Variants in ZNF704 observed in about 807,000 individuals in gnomAD.
The protein encoded by ZNF704 is glucocorticoid induced gene 1.
Under a neutral mutation model 44.7 loss-of-function variants are expected in ZNF704, and 10 were observed. The observed-to-expected ratio is 0.22, with a 90% CI of 0.14 to 0.38. The LOEUF (loss-of-function observed/expected upper bound fraction) is 0.38, where lower values mean the gene tolerates loss of function less well. Ranked by LOEUF, ZNF704 falls within the 10% of genes least tolerant of loss-of-function variation. ZNF704 has a pLI of 1.00. For synonymous variants in ZNF704, 211 were observed against 207.6 expected (o/e 1.02, Z -0.14); for missense variants, 390 against 545.5 (o/e 0.71, Z 2.84).
intron 2 of ZNF704, among the ~76,000 whole-genome samples, chr8:80,780,967 G>A (rs1807512389): frequency 6.6e-6 from 1 of 152,208 alleles, no homozygotes; most frequent in South Asian, 2.1e-4. Context: ...GAATTGGAGA[G>A]AAGTGCTTAG....
chr8:80,790,903 G>C (rs190098277), intron 2 of ZNF704, among the ~76,000 whole-genome samples: 25 of 152,296 alleles, frequency 1.6e-4, no homozygotes, highest in African/African-American at 5.8e-4. Context: ...ATTCAGGTGA[G>C]AGACCCTTAT....
chr8:80,673,862 G>A (rs1818318770), intron 4 of ZNF704, among the ~76,000 whole-genome samples: 1 of 152,232 alleles, frequency 6.6e-6, no homozygotes, highest in African/African-American at 2.4e-5. Context: ...GGAGCCCACT[G>A]TTCACATGGG....
At position 80,639,746 on chromosome 8, in the gene ZNF704, GTCT is replaced by G. The variant is rs1817714698; in HGVS notation, c.*1617_*1619del. 6.6e-6 allele frequency: 1 copy of G among 152,556 alleles called. No homozygotes were observed. The highest frequency in any genetic ancestry group is 2.4e-5 in the African/African-American group (1 of 41,418). 9.5% of individuals were successfully genotyped at this position (152,556 alleles called of 1,614,324 possible). ...AAAAGAATATCTGTCATTACTAGATGTCTTCTTTTTACGCTTAAAAAAGTGTAT... is the reference window on the plus strand; with the variant it reads ...AAAAGAATATCTGTCATTACTAGATGTCTTTTTACGCTTAAAAAAGTGTAT... On this transcript the variant is annotated 3_prime_UTR_variant, in exon 9 of 9. Transcript: ENST00000327835.
At chr8:80,722,264 AAAAC>A (rs201783463) in intron 2 of ZNF704, among the ~76,000 whole-genome samples, 4,705 of 151,350 alleles carry the variant, frequency 0.031, 239 homozygotes, top group African/African-American at 0.1. Context: ...AAAACAAAAC[AAAAC>A]AAACAAACAA....
intron 4 of ZNF704, among the ~76,000 whole-genome samples, chr8:80,675,341 G>A (rs565320376): frequency 7.5e-4 from 115 of 152,332 alleles, no homozygotes; most frequent in African/African-American, 2.7e-3. Context: ...ATTTGTTTGA[G>A]ATAAAGTGCA....
chr8:80,733,575 A>C (rs1806617914), intron 2 of ZNF704, among the ~76,000 whole-genome samples: 1 of 152,192 alleles, frequency 6.6e-6, no homozygotes, highest in South Asian at 2.1e-4. Flanking sequence ...GCCATGTCTC[A>C]ATCCAAAGTG....
At chr8:80,719,860 C>T (rs1819135265) in intron 2 of ZNF704, among the ~76,000 whole-genome samples, 1 of 152,140 alleles carries the variant, frequency 6.6e-6, no homozygotes, top group Non-Finnish European at 1.5e-5. Flanking sequence ...AACTGGTTTC[C>T]ACATAATGGA....
intron 2 of ZNF704, among the ~76,000 whole-genome samples, chr8:80,817,689 TAAAC>T (rs1242042668): frequency 6.6e-6 from 1 of 152,224 alleles, no homozygotes; most frequent in Non-Finnish European, 1.5e-5. Flanking sequence ...AAATATTGGG[TAAAC>T]AAACAGGGAG....
intron 4 of ZNF704, among the ~76,000 whole-genome samples, chr8:80,678,896 G>A (rs1818409066): frequency 6.6e-6 from 1 of 152,142 alleles, no homozygotes. Flanking sequence ...GGCACCGGCA[G>A]GCAGCTGGGA....
rs1414745684 is a variant in ZNF704, at chr8:80,814,076, G to C, written c.221+7298C>G. 2.6e-5 allele frequency: 4 copies of C among 152,278 alleles called. No homozygotes were observed. The East Asian group carries it at 7.7e-4, about 29-fold the overall frequency. 9.4% of individuals were successfully genotyped at this position (152,278 alleles called of 1,614,324 possible). A position where few individuals can be genotyped will look rare whatever the true frequency, so the allele number is the denominator to read the frequency against. On this transcript the variant is annotated intron_variant, in intron 2 of 8. Transcript: ENST00000327835. The stretch of plus-strand genomic sequence containing the variant: ...CATCTACAGGCACTTGGCAGGAAGA[G>C]AGGGCTATTTTTAAAAACAACAAAC...
intron 2 of ZNF704, among the ~76,000 whole-genome samples, chr8:80,764,409 A>C (rs1051387835): frequency 6.6e-6 from 1 of 152,204 alleles, no homozygotes; most frequent in African/African-American, 2.4e-5. Context: ...CCAGATGCTT[A>C]TAAAACCATC....
In ZNF704 at chr8:80,817,363, A is replaced by G. The variant is rs576577008; in HGVS notation, c.221+4011T>C. On this transcript the variant is annotated intron_variant, in intron 2 of 8. Transcript: ENST00000327835. Reference sequence around the variant, plus strand: ...CAGCTCCCACATGCTGCTCCCAGCAAATGATGGAGTACAGCAGGATTACCA... The same window carrying G: ...CAGCTCCCACATGCTGCTCCCAGCAGATGATGGAGTACAGCAGGATTACCA... 1.3e-4 allele frequency among the ~76,000 whole-genome samples: 20 copies of G among 152,316 alleles called. No individual in the cohort carries two copies. In the South Asian group the frequency reaches 2.7e-3, roughly 21 times the overall value.
At chr8:80,688,923 C>T (rs1327370050) in intron 3 of ZNF704, among the ~76,000 whole-genome samples, 1 of 142,818 alleles carries the variant, frequency 7.0e-6, no homozygotes, top group Non-Finnish European at 1.5e-5. Context: ...GGTGCCACTG[C>T]ACTCCAGCCT....
chr8:80,826,145 T>G (rs1808370521), intron 1 of ZNF704, among the ~76,000 whole-genome samples: 1 of 152,104 alleles, frequency 6.6e-6, no homozygotes, highest in Non-Finnish European at 1.5e-5. Flanking sequence ...AGGAGGTGGT[T>G]TTTTGAAAAG....
chr8:80,852,169 T>C (rs1374594771), intron 1 of ZNF704, among the ~76,000 whole-genome samples: 2 of 152,144 alleles, frequency 1.3e-5, no homozygotes, highest in African/African-American at 2.4e-5. Context: ...GGATAGAATA[T>C]CATCTCTTGG....
chr8:80,737,094 A>C (rs1806680189), intron 2 of ZNF704, among the ~76,000 whole-genome samples: 2 of 152,230 alleles, frequency 1.3e-5, no homozygotes, highest in Admixed American at 6.5e-5. Context: ...AATTCATTGC[A>C]TACCTATATA....
chr8:80,696,780 A>G (rs1818733662), intron 2 of ZNF704, among the ~76,000 whole-genome samples: 1 of 152,218 alleles, frequency 6.6e-6, no homozygotes, highest in Non-Finnish European at 1.5e-5. Context: ...ATGGGACGCA[A>G]GCCTAAACAC....
intron 2 of ZNF704, among the ~76,000 whole-genome samples, chr8:80,775,694 G>T (rs566320542): frequency 1.3e-5 from 2 of 152,226 alleles, no homozygotes; most frequent in African/African-American, 4.8e-5. Context: ...AGAAGTGATA[G>T]GGTGGAAGAA....
intron 4 of ZNF704, among the ~76,000 whole-genome samples, chr8:80,674,114 T>C (rs1818322692): frequency 6.6e-6 from 1 of 152,222 alleles, no homozygotes; most frequent in African/African-American, 2.4e-5. Context: ...TTTAAGTACA[T>C]GATCCTTATG....
Sources: gnomAD v4.1 joint callset for allele counts (sites outside exome capture counted in the v4.1 genomes callset) on GRCh38, gnomAD v4.1.1 for gene constraint, MANE v1.5 for transcripts, NCBI Gene and HGNC (gene_info 2026-07-23, HGNC 2026-07-21) for gene names.